Variants in TEX26 observed in about 807,000 individuals in gnomAD.
TEX26 encodes the protein testis-expressed protein 26.
A neutral mutation model predicts 35.3 loss-of-function variants in TEX26; 34 were observed. That is an observed-to-expected ratio of 0.96 (90% confidence interval 0.73 to 1.28). TEX26 has a LOEUF of 1.28. Ranked by LOEUF, TEX26 falls within the 50% of genes most tolerant of loss-of-function variation. The pLI is 0.00. For missense variants in TEX26, 371 were observed against 330.1 expected (o/e 1.12, Z -0.96); for synonymous variants, 136 against 111.8 (o/e 1.22, Z -1.36).
At chr13:30,944,320 A>C (rs1953621829) in intron 2 of TEX26, among the ~76,000 whole-genome samples, 1 of 151,892 alleles carries the variant, frequency 6.6e-6, no homozygotes, top group South Asian at 2.1e-4. Context: ...GTTCCATTTC[A>C]AATTGAGTTT....
Position 30,966,360 on chromosome 13 carries a change from G to A in TEX26, c.608G>A (p.Gly203Glu). 3.7e-6 allele frequency: 6 copies of A among 1,613,520 alleles called. No individual in the cohort carries two copies. The highest frequency in any genetic ancestry group is 5.1e-6 in the Non-Finnish European group (6 of 1,179,856). Residue 203 changes from glycine (G) to glutamate (E), a missense_variant, in exon 5 of 7, where the codon GGA becomes GAA. Physicochemically the swap from Gly to Glu is moderately conservative, Grantham distance 98 (BLOSUM62 -2). Coordinates refer to ENST00000380473, the MANE Select transcript of TEX26 (RefSeq NM_152325.3). ...PELQDFSFKY[G>E]CYSSLPVASQ... ...CTTCAAGATTTCAGTTTCAAATATG[G>A]ATGCTACTCAAGCTTGCCTGTTGCT...
At chr13:30,962,989 A>ATTTT (rs540943274) in intron 4 of TEX26, among the ~76,000 whole-genome samples, 9 of 144,494 alleles carry the variant, frequency 6.2e-5, no homozygotes, top group African/African-American at 2.0e-4. Flanking sequence ...TGCCCAGCTA[A>ATTTT]TTTTTTTTTT....
chr13:30,937,753 T>A (rs1432125072), intron 1 of TEX26, among the ~76,000 whole-genome samples: 1 of 152,200 alleles, frequency 6.6e-6, no homozygotes, highest in African/African-American at 2.4e-5. Context: ...GGCTAAGGCT[T>A]CAGTTATCTG....
chr13:30,956,843 T>C (rs1318664799), intron 3 of TEX26, 30 bp from the exon 4 acceptor site: 2 of 1,605,082 alleles, frequency 1.2e-6, no homozygotes, highest in Non-Finnish European at 1.7e-6. Context: ...CCCATATGGA[T>C]TTTCTTGAAA....
At chr13:30,974,131 A>AAAAAAAAAATATATATATATATAT in intron 6 of TEX26, among the ~76,000 whole-genome samples, 1 of 84,430 alleles carries the variant, frequency 1.2e-5, no homozygotes, top group African/African-American at 4.8e-5. Context: ...AAAAAAAAAA[A>AAAAAAAAAATATATATATATATAT]ATATATATAT....
chr13:30,940,212 C>T (rs1360536671), intron 2 of TEX26, among the ~76,000 whole-genome samples: 1 of 151,886 alleles, frequency 6.6e-6, no homozygotes, highest in African/African-American at 2.4e-5. Context: ...AAGAAGGCCA[C>T]TGTCCCCCTC....
chr13:30,958,826 G>A (rs1366010912), intron 4 of TEX26, among the ~76,000 whole-genome samples: 1 of 152,126 alleles, frequency 6.6e-6, no homozygotes, highest in East Asian at 1.9e-4. Flanking sequence ...CAAAAACAGA[G>A]CTTTCCCTCA....
intron 4 of TEX26, among the ~76,000 whole-genome samples, chr13:30,958,490 G>T (rs1264432194): frequency 6.6e-6 from 1 of 152,168 alleles, no homozygotes; most frequent in Non-Finnish European, 1.5e-5. Context: ...CCCAGTGACT[G>T]CTGAGGAAGG....
chr13:30,971,345 T>C (rs1005982721), intron 6 of TEX26, among the ~76,000 whole-genome samples: 1 of 152,194 alleles, frequency 6.6e-6, no homozygotes, highest in Non-Finnish European at 1.5e-5. Flanking sequence ...CAACTCAGCT[T>C]AAATTATTTT....
At chr13:30,956,270 G>T (rs1478071235) in intron 3 of TEX26, among the ~76,000 whole-genome samples, 1 of 149,652 alleles carries the variant, frequency 6.7e-6, no homozygotes. Context: ...GCGGTGTTTG[G>T]TTTTTTGTCC....
At position 30,952,682 on chromosome 13, in the gene TEX26, G is replaced by T; in HGVS notation, c.169G>T (p.Gly57Ter). The T allele has an allele frequency of 6.2e-7, 1 of 1,604,020 alleles. No individual in the cohort carries two copies. Among genetic ancestry groups the T allele is most frequent in the South Asian group, 1.1e-5 (1 of 87,794 alleles). Reference protein sequence around the residue: ...LIRQNGIRRLGYTYSLSDPIL... With the variant: ...LIRQNGIRRL ...TAGCCAAAACGGTATCAGAAGATTA[G>T]GATATACATATTCACTTAGTGATCC... Residue 57 changes from glycine to a stop codon, truncating the protein, a stop_gained, in exon 3 of 7, where the codon GGA (glycine) becomes TGA (stop). Transcript: ENST00000380473. LOFTEE classifies it high-confidence loss of function.
rs184473840 is a variant in TEX26, at chr13:30,962,723, G to A, written c.470-3499G>A. On this transcript the variant is annotated intron_variant, in intron 4 of 6. Coordinates refer to ENST00000380473, the MANE Select transcript of TEX26 (RefSeq NM_152325.3). ...CTTTTCACAGTCAGGCTTAGAGAAC[G>A]TGGCTTTGATGAATCAGAGCAGCTG... Among the ~76,000 whole-genome samples the A allele has an allele frequency of 2.8e-4, 43 of 152,364 alleles. No homozygotes were observed. The East Asian group carries it at 6.7e-3, about 24-fold the overall frequency.
intron 2 of TEX26, among the ~76,000 whole-genome samples, chr13:30,942,843 T>A (rs533766358): frequency 6.6e-6 from 1 of 152,094 alleles, no homozygotes; most frequent in African/African-American, 2.4e-5. Flanking sequence ...TTGGTCAATG[T>A]GCCTACTTTA....
In TEX26 at chr13:30,957,037, C is replaced by G; in HGVS notation, c.469+8C>G. The G allele has an allele frequency of 1.2e-6, 2 of 1,611,236 alleles. 1 individual carries two copies. The highest frequency in any genetic ancestry group is 2.2e-5 in the South Asian group (2 of 90,990). On this transcript the variant is annotated splice_region_variant and intron_variant, in intron 4 of 6. Transcript: ENST00000380473. ...TTGTGGACAGATCAAAAGGTAAACA[C>G]TTTTGTTTTTCTTTTTTTCCTGGGT...
intron 1 of TEX26, among the ~76,000 whole-genome samples, chr13:30,937,655 GA>G (rs1331754117): frequency 6.6e-6 from 1 of 152,208 alleles, no homozygotes; most frequent in East Asian, 1.9e-4. Context: ...AGGAGTATTG[GA>G]GAATGATGTC....
At position 30,940,322 on chromosome 13, in the gene TEX26, C is replaced by CTTT. The variant is rs869246492; in HGVS notation, c.146+571_146+573dup. Among the ~76,000 whole-genome samples the CTTT allele has an allele frequency of 1.7e-3, 90 of 52,074 alleles. 16 individuals carry two copies. The highest frequency in any genetic ancestry group is 6.3e-3 in the African/African-American group (82 of 13,036). 34.2% of individuals were successfully genotyped at this position (52,074 alleles called of 152,430 possible). A position where few individuals can be genotyped will look rare whatever the true frequency, so the allele number is the denominator to read the frequency against. On this transcript the variant is annotated intron_variant, in intron 2 of 6. Coordinates refer to ENST00000380473, the MANE Select transcript of TEX26 (RefSeq NM_152325.3). Reference sequence around the variant, plus strand: ...GTGGGAGTTTCTAAACATCAGCTGCCTTTTTTTTTTTTTTTTTTTTTTTTT... The same window carrying CTTT: ...GTGGGAGTTTCTAAACATCAGCTGCCTTTTTTTTTTTTTTTTTTTTTTTTTTTT...
intron 6 of TEX26, among the ~76,000 whole-genome samples, chr13:30,969,793 A>G (rs1449805184): frequency 6.6e-6 from 1 of 152,210 alleles, no homozygotes; most frequent in Non-Finnish European, 1.5e-5. Context: ...AACTAAACTA[A>G]TGTATCACAT....
At chr13:30,954,277 TACACACACACACACACACACACAC>T (rs56003143) in intron 3 of TEX26, among the ~76,000 whole-genome samples, 1 of 137,954 alleles carries the variant, frequency 7.2e-6, no homozygotes, top group Non-Finnish European at 1.5e-5. Context: ...TATAGACCTA[TACACACACACACACACACACACAC>T]ACACACACAC....
intron 2 of TEX26, among the ~76,000 whole-genome samples, chr13:30,947,793 G>A (rs974254541): frequency 1.3e-5 from 2 of 151,764 alleles, no homozygotes; most frequent in South Asian, 4.2e-4. Flanking sequence ...CAATGTACAG[G>A]TTTGCTACAT....
Sources: gnomAD v4.1 joint callset for allele counts (sites outside exome capture counted in the v4.1 genomes callset) on GRCh38, gnomAD v4.1.1 for gene constraint, MANE v1.5 for transcripts, NCBI Gene and HGNC (gene_info 2026-07-23, HGNC 2026-07-21) for gene names.